BLNK: variants seen among roughly 807,000 people sequenced by gnomAD.
The protein encoded by BLNK is B cell linker.
BLNK carries 29 observed loss-of-function variants against 73.5 expected under a neutral mutation model. The ratio of observed to expected loss-of-function variants is 0.39; its 90% CI spans 0.29 to 0.54. BLNK has a LOEUF of 0.54. BLNK is among the 20% of genes least tolerant of loss of function. The pLI, the probability that BLNK is intolerant of heterozygous loss-of-function variation, is 0.61. For synonymous variants in BLNK, 176 were observed against 200.8 expected (o/e 0.88, Z 1.04); for missense variants, 460 against 562.8 (o/e 0.82, Z 1.85).
At chr10:96,212,891 C>T (rs1430984109) in intron 8 of BLNK, among the ~76,000 whole-genome samples, 3 of 152,258 alleles carry the variant, frequency 2.0e-5, no homozygotes, top group Middle Eastern at 3.2e-3. Flanking sequence ...CCCACTCGGA[C>T]TGTTTAGGCT....
At chr10:96,261,962 G>A (rs1554912993) in intron 1 of BLNK, among the ~76,000 whole-genome samples, 2 of 152,124 alleles carry the variant, frequency 1.3e-5, no homozygotes, top group Admixed American at 6.5e-5. Context: ...CTCTAGGTAC[G>A]AGCTCAGACT....
At chr10:96,222,756 A>G (rs777644475) in intron 6 of BLNK, among the ~76,000 whole-genome samples, 18 of 152,182 alleles carry the variant, frequency 1.2e-4, no homozygotes, top group Non-Finnish European at 2.4e-4. Context: ...ATCCTGGCCC[A>G]TGTCACCCTC....
chr10:96,255,202 A>C (rs1554910712), intron 1 of BLNK, among the ~76,000 whole-genome samples: 1 of 152,180 alleles, frequency 6.6e-6, no homozygotes. Context: ...AAGTTCAGGA[A>C]GGATGGAGTT....
chr10:96,263,676 T>G (rs538920012), intron 1 of BLNK, among the ~76,000 whole-genome samples: 1 of 152,136 alleles, frequency 6.6e-6, no homozygotes, highest in Admixed American at 6.5e-5. Flanking sequence ...GAGGAGGGGC[T>G]TGTGGGGAGG....
intron 7 of BLNK, chr10:96,216,440 G>A: frequency 1.7e-6 from 1 of 594,694 alleles, no homozygotes. Flanking sequence ...GCATGGAAGA[G>A]GAAGGGGAAG....
rs2083309969 is a variant in BLNK at position 96,190,393 on chromosome 10, A to T, written c.*1580T>A. 6.6e-6 allele frequency among the ~76,000 whole-genome samples: 1 copy of T among 152,220 alleles called. No homozygotes were observed. The highest frequency in any genetic ancestry group is 1.5e-5 in the Non-Finnish European group (1 of 68,042). Reference sequence around the variant, plus strand: ...AATTTCCTAATTTTATAAGGACACCAGCCATTGTATTAAGGCCCACCCTAC... The same window carrying T: ...AATTTCCTAATTTTATAAGGACACCTGCCATTGTATTAAGGCCCACCCTAC... On this transcript the variant is annotated 3_prime_UTR_variant, in exon 17 of 17. Coordinates refer to ENST00000224337, the MANE Select transcript of BLNK (RefSeq NM_013314.4).
At position 96,196,909 on chromosome 10, in the gene BLNK, T is replaced by A; in HGVS notation, c.1250A>T (p.Glu417Val). The A allele has an allele frequency of 6.2e-7, 1 of 1,613,182 alleles. No individual in the cohort carries two copies. Among genetic ancestry groups the A allele is most frequent in the Non-Finnish European group, 8.5e-7 (1 of 1,179,564 alleles). The part of the protein sequence containing the change: ...YALGRKKNGE[E>V]YFGSVAEIIR... The stretch of plus-strand genomic sequence containing the variant: ...TGAATTTAAAAAGAAATCACTGACC[T>A]CTTCACCATTTTTCTTTCTGCCCAA... Residue 417 changes from glutamate to valine, a missense_variant and splice_region_variant, in exon 16 of 17, where the codon GAG becomes GTG. Coordinates refer to ENST00000224337, the MANE Select transcript of BLNK (RefSeq NM_013314.4).
chr10:96,260,785 T>G (rs1332080635), intron 1 of BLNK, among the ~76,000 whole-genome samples: 1 of 152,196 alleles, frequency 6.6e-6, no homozygotes, highest in Non-Finnish European at 1.5e-5. Context: ...GCATTGTAAT[T>G]CATTAAAAGC....
At chr10:96,237,074 C>T (rs11597989) in intron 3 of BLNK, among the ~76,000 whole-genome samples, 34,626 of 152,014 alleles carry the variant, frequency 0.23, 4,681 homozygotes, top group East Asian at 0.58. Flanking sequence ...TACCTTTGAG[C>T]CCAAGTGTCA....
intron 1 of BLNK, 57 bp downstream of exon 1, chr10:96,271,295 G>T: frequency 6.4e-7 from 1 of 1,568,782 alleles, no homozygotes; most frequent in Non-Finnish European, 8.8e-7. Flanking sequence ...GATGCCATAA[G>T]AGCACTGGGG....
intron 5 of BLNK, among the ~76,000 whole-genome samples, chr10:96,225,280 C>T (rs1554902184): frequency 6.6e-6 from 1 of 152,200 alleles, no homozygotes; most frequent in Non-Finnish European, 1.5e-5. Context: ...GCACTGGCCT[C>T]TGGATTGCAT....
At chr10:96,209,967 C>G in intron 8 of BLNK, 60 bp from the exon 9 acceptor site, 4 of 1,571,138 alleles carry the variant, frequency 2.5e-6, no homozygotes, top group South Asian at 2.2e-5. Flanking sequence ...GATGCTCACA[C>G]TGAGGCTGGC....
chr10:96,243,525 C>T (rs761906112), intron 2 of BLNK, among the ~76,000 whole-genome samples: 8 of 151,996 alleles, frequency 5.3e-5, no homozygotes, highest in Non-Finnish European at 7.4e-5. Context: ...CCAGCTTGGG[C>T]GACAGAGCGA....
chr10:96,210,176 C>A, intron 8 of BLNK: 1 of 473,380 alleles, frequency 2.1e-6, no homozygotes, highest in Non-Finnish European at 3.9e-6. Flanking sequence ...TTCTCCTTAC[C>A]CGCCCCCTGC....
chr10:96,249,659 C>T (rs1223492521), intron 1 of BLNK, among the ~76,000 whole-genome samples: 1 of 152,204 alleles, frequency 6.6e-6, no homozygotes, highest in Non-Finnish European at 1.5e-5. Context: ...CTGAAGAGCG[C>T]AGACAAACCT....
intron 15 of BLNK, among the ~76,000 whole-genome samples, chr10:96,197,521 G>T (rs1383018048): frequency 2.0e-5 from 3 of 152,078 alleles, no homozygotes; most frequent in Non-Finnish European, 4.4e-5. Context: ...ATAAAATTTA[G>T]AAATATGTGA....
intron 1 of BLNK, among the ~76,000 whole-genome samples, chr10:96,269,308 G>A (rs1037597336): frequency 3.9e-5 from 6 of 152,010 alleles, no homozygotes; most frequent in African/African-American, 1.2e-4. Context: ...TGTCCCAAAG[G>A]GAGGAATCAT....
intron 1 of BLNK, among the ~76,000 whole-genome samples, chr10:96,252,291 TCTGC>T (rs1279104668): frequency 6.6e-6 from 1 of 152,166 alleles, no homozygotes; most frequent in East Asian, 1.9e-4. Flanking sequence ...GACCTCGTGA[TCTGC>T]CTGCCCCGGG....
chr10:96,254,935 C>G (rs1554910643), intron 1 of BLNK, among the ~76,000 whole-genome samples: 1 of 152,172 alleles, frequency 6.6e-6, no homozygotes. Flanking sequence ...ACATTAGAAT[C>G]ACTTAGGGGA....
Sources: allele counts gnomAD v4.1 joint callset (sites outside exome capture counted in the v4.1 genomes callset), GRCh38; gene constraint gnomAD v4.1.1; transcripts MANE v1.5; gene names NCBI Gene and HGNC (gene_info 2026-07-23, HGNC 2026-07-21).